Variants in CNTNAP2 observed in about 807,000 individuals in gnomAD.
CNTNAP2 encodes contactin-associated protein-like 2.
CNTNAP2 carries 98 observed loss-of-function variants against 155.2 expected under a neutral mutation model. That is an observed-to-expected ratio of 0.63 (90% confidence interval 0.54 to 0.75). The LOEUF (loss-of-function observed/expected upper bound fraction) is 0.75, where lower values mean the gene tolerates loss of function less well. Among genes scored for constraint, CNTNAP2 ranks in the 30% least tolerant of loss-of-function variants. The pLI is 0.00. For synonymous variants in CNTNAP2, 651 were observed against 631.2 expected, an observed-to-expected ratio of 1.03 and a Z score of -0.47; for missense variants, 1,727 against 1,688.1, an observed-to-expected ratio of 1.02 and a Z score of -0.40.
intron 9 of CNTNAP2, among the ~76,000 whole-genome samples, chr7:147,344,063 G>C (rs951607314): frequency 8.0e-5 from 12 of 150,234 alleles, no homozygotes; most frequent in African/African-American, 2.9e-4. Context: ...GCTAAGGGAG[G>C]TTAAGCGACT....
intron 1 of CNTNAP2, among the ~76,000 whole-genome samples, chr7:146,491,583 C>A (rs1797140310): frequency 6.6e-6 from 1 of 152,058 alleles, no homozygotes; most frequent in Admixed American, 6.6e-5. Flanking sequence ...ATGAAGGATG[C>A]ACACGAAAGG....
intron 1 of CNTNAP2, among the ~76,000 whole-genome samples, chr7:146,186,041 T>C (rs1335072577): frequency 6.6e-6 from 1 of 152,144 alleles, no homozygotes; most frequent in Non-Finnish European, 1.5e-5. Flanking sequence ...CTGACAATTA[T>C]TGCGTAATAG....
intron 18 of CNTNAP2, among the ~76,000 whole-genome samples, chr7:148,214,376 C>T (rs1463443286): frequency 1.3e-5 from 2 of 152,166 alleles, no homozygotes; most frequent in East Asian, 3.9e-4. Context: ...CTGTATTGTA[C>T]TCACACTGTT....
intron 12 of CNTNAP2, among the ~76,000 whole-genome samples, chr7:147,600,375 G>A (rs962017066): frequency 6.6e-6 from 1 of 152,162 alleles, no homozygotes; most frequent in African/African-American, 2.4e-5. Context: ...GGGCCTCACG[G>A]TCTCTACCAC....
Position 146,117,431 on chromosome 7 carries a change from C to CTA in CNTNAP2, c.97+461_97+462dup, listed in dbSNP as rs367971409. The stretch of plus-strand genomic sequence containing the variant: ...AGCATGTTTTAAACAGTTTGGGCAC[C>CTA]TATAGGGTCTCTTTAACCTCTCCCG... On this transcript the variant is annotated intron_variant, in intron 1 of 23. Transcript: ENST00000361727. The CTA allele has an allele frequency of 4.9e-3, 768 of 155,892 alleles. 4 individuals are homozygous for CTA. Among genetic ancestry groups the CTA allele is most frequent in the South Asian group, 0.013 (66 of 5,116 alleles). 9.7% of individuals were successfully genotyped at this position (155,892 alleles called of 1,614,324 possible).
Position 147,460,407 on chromosome 7 carries a change from C to T in CNTNAP2, c.1671-25528C>T, listed in dbSNP as rs145572695. Among the ~76,000 whole-genome samples, 300 of 152,226 alleles carry T rather than the reference C, an allele frequency of 2.0e-3. 1 individual carries two copies. Among genetic ancestry groups the T allele is most frequent in the African/African-American group, 6.6e-3 (276 of 41,518 alleles). On this transcript the variant is annotated intron_variant, in intron 10 of 23. Transcript: ENST00000361727. ...TCCCTGAGTCTAAGCAGAAGTGCTA[C>T]CTCGCCCCCCTACCTCCCATCAAAT... is the stretch of plus-strand genomic sequence containing the variant.
intron 3 of CNTNAP2, among the ~76,000 whole-genome samples, chr7:146,896,613 C>T (rs939091085): frequency 5.9e-5 from 9 of 151,928 alleles, no homozygotes; most frequent in African/African-American, 1.2e-4. Flanking sequence ...TATGTTGGTG[C>T]AAAAGCAATT....
chr7:147,399,917 A>C lies in CNTNAP2; in HGVS notation c.1670+4137A>C, dbSNP rs998320442. Among the ~76,000 whole-genome samples, 4 of 152,220 alleles carry C rather than the reference A, an allele frequency of 2.6e-5. No homozygotes were observed. In the East Asian group the frequency reaches 5.8e-4, roughly 22 times the overall value. Reference sequence around the variant, plus strand: ...TCCCTTAGTGATAATCTGCTCTTAGAGAGGAGGATTGTCATCAACCTTCAG... The same window carrying C: ...TCCCTTAGTGATAATCTGCTCTTAGCGAGGAGGATTGTCATCAACCTTCAG... On this transcript the variant is annotated intron_variant, in intron 10 of 23. Transcript: ENST00000361727.
intron 14 of CNTNAP2, among the ~76,000 whole-genome samples, chr7:147,908,301 G>C (rs534861245): frequency 6.6e-6 from 1 of 152,314 alleles, no homozygotes; most frequent in East Asian, 1.9e-4. Context: ...CCCTCAGGGA[G>C]ACGTGCGAAA....
intron 3 of CNTNAP2, among the ~76,000 whole-genome samples, chr7:146,903,611 C>A (rs115684051): frequency 0.015 from 2,307 of 152,282 alleles, 52 homozygotes; most frequent in African/African-American, 0.053. Flanking sequence ...TCTGACCTCT[C>A]TCTATCCTCC....
intron 18 of CNTNAP2, among the ~76,000 whole-genome samples, chr7:148,179,550 A>G: frequency 7.4e-6 from 1 of 134,444 alleles, no homozygotes; most frequent in Non-Finnish European, 1.6e-5. Context: ...TGAGAGAGGG[A>G]GAGAGGGAGA....
At chr7:147,946,714 G>A (rs970887643) in intron 14 of CNTNAP2, among the ~76,000 whole-genome samples, 47 of 152,076 alleles carry the variant, frequency 3.1e-4, no homozygotes, top group African/African-American at 1.1e-3. Context: ...ACAAGCCAAG[G>A]CCACAGTGGG....
intron 3 of CNTNAP2, among the ~76,000 whole-genome samples, chr7:147,008,410 A>C (rs1387601548): frequency 6.6e-6 from 1 of 152,138 alleles, no homozygotes; most frequent in Non-Finnish European, 1.5e-5. Flanking sequence ...AGTTTACTAT[A>C]CCTGGTGTGG....
chr7:147,878,572 A>G (rs907785985), intron 13 of CNTNAP2, among the ~76,000 whole-genome samples: 7 of 152,040 alleles, frequency 4.6e-5, no homozygotes, highest in African/African-American at 1.4e-4. Context: ...TTTATCAAAT[A>G]CTTTTATAGA....
In CNTNAP2 at chr7:147,767,444, A is replaced by G. The variant is rs962329003; in HGVS notation, c.2098+128138A>G. On this transcript the variant is annotated intron_variant, in intron 13 of 23. Transcript: ENST00000361727. ...TTGAAGTAAATAATGGATGCCACAA[A>G]TGTAAGTTGGTCACTTATTTCTTTT... 2.6e-5 allele frequency among the ~76,000 whole-genome samples: 4 copies of G among 152,186 alleles called. No homozygotes were observed. In the East Asian group the frequency reaches 7.7e-4, roughly 29 times the overall value.
intron 1 of CNTNAP2, among the ~76,000 whole-genome samples, chr7:146,180,315 T>G (rs1798532237): frequency 6.6e-6 from 1 of 151,996 alleles, no homozygotes; most frequent in African/African-American, 2.4e-5. Context: ...TTTTCTTTCC[T>G]TTTCTCTTCC....
Position 148,303,578 on chromosome 7 carries a change from T to C in CNTNAP2, c.3475+36452T>C, listed in dbSNP as rs551667018. On this transcript the variant is annotated intron_variant, in intron 21 of 23. Transcript: ENST00000361727. ...ACATACTAAGCTGAGAATGCAATAG[T>C]GAGAATGGCTCCTTCTTTTTCGCAT... Among the ~76,000 whole-genome samples the C allele has an allele frequency of 2.8e-3, 421 of 152,318 alleles. 2 individuals carry two copies. Among genetic ancestry groups the C allele is most frequent in the African/African-American group, 9.6e-3 (401 of 41,572 alleles).
At chr7:146,370,226 A>G (rs1374628195) in intron 1 of CNTNAP2, among the ~76,000 whole-genome samples, 1 of 147,904 alleles carries the variant, frequency 6.8e-6, no homozygotes, top group East Asian at 2.0e-4. Flanking sequence ...GTTCAAGACA[A>G]GCCTGGCCAA....
intron 8 of CNTNAP2, among the ~76,000 whole-genome samples, chr7:147,168,550 C>T (rs1802166611): frequency 2.0e-5 from 3 of 152,064 alleles, no homozygotes; most frequent in South Asian, 4.1e-4. Flanking sequence ...TCTAAAACAT[C>T]TGAGCATTTT....
Sources: gnomAD v4.1 joint callset for allele counts (sites outside exome capture counted in the v4.1 genomes callset) on GRCh38, gnomAD v4.1.1 for gene constraint, MANE v1.5 for transcripts, NCBI Gene and HGNC (gene_info 2026-07-23, HGNC 2026-07-21) for gene names.